Variants in SAP30BP observed in about 807,000 individuals in gnomAD.
The protein encoded by SAP30BP is SAP30-binding protein.
Under a neutral mutation model 46.3 loss-of-function variants are expected in SAP30BP, and 31 were observed. That is an observed-to-expected ratio of 0.67 (90% CI 0.50 to 0.90). The LOEUF (loss-of-function observed/expected upper bound fraction) is 0.90, where lower values mean the gene tolerates loss of function less well. Among genes scored for constraint, SAP30BP ranks in the 40% least tolerant of loss-of-function variants. SAP30BP has a pLI of 0.00. For synonymous variants in SAP30BP, 169 were observed against 144.2 expected (o/e 1.17, Z -1.23); for missense variants, 312 against 391.0 (o/e 0.80, Z 1.70).
chr17:75,670,361 G>A (rs989322304), intron 2 of SAP30BP, among the ~76,000 whole-genome samples: 4 of 152,032 alleles, frequency 2.6e-5, no homozygotes, highest in African/African-American at 2.4e-5. Flanking sequence ...ACAGAAATGC[G>A]TTTTGTACAT....
Position 75,679,232 on chromosome 17 carries a change from G to A in SAP30BP, c.264+7369G>A, listed in dbSNP as rs1000013488. ...AGGATGGTCTCGATCTCCTGACCTC[G>A]TGATCTGCCTGCCTCGGCCTCCCAA... On this transcript the variant is annotated intron_variant, in intron 3 of 10. Coordinates refer to ENST00000584667, the MANE Select transcript of SAP30BP (RefSeq NM_013260.8). Among the ~76,000 whole-genome samples the A allele has an allele frequency of 7.9e-5, 12 of 152,008 alleles. No homozygotes were observed. In the East Asian group the frequency reaches 9.7e-4, roughly 12 times the overall value.
At chr17:75,680,621 T>C (rs1370758354) in intron 3 of SAP30BP, among the ~76,000 whole-genome samples, 1 of 152,246 alleles carries the variant, frequency 6.6e-6, no homozygotes, top group Non-Finnish European at 1.5e-5. Flanking sequence ...GTGCTTGGCC[T>C]TTTCAGTGTA....
Position 75,706,668 on chromosome 17 carries a change from G to A in SAP30BP, c.*147G>A, listed in dbSNP as rs993466699. 6.9e-5 allele frequency: 51 copies of A among 734,662 alleles called. No individual in the cohort carries two copies. The highest frequency in any genetic ancestry group is 1.1e-4 in the Non-Finnish European group (48 of 449,220). The allele number at this position is 734,662 out of a possible 1,614,324, so 45.5% of individuals were successfully genotyped here. ...CTTCTGTTTGGCATTCCAGATGGAAGGACAGGCAGCACGGGAGCCAGGCGC... is the reference window on the plus strand; with the variant it reads ...CTTCTGTTTGGCATTCCAGATGGAAAGACAGGCAGCACGGGAGCCAGGCGC... On this transcript the variant is annotated 3_prime_UTR_variant, in exon 11 of 11. Transcript: ENST00000584667. This position sits in a 1 kb window ranked among gnomAD's most constrained non-coding sequence, Gnocchi z 4.6.
chr17:75,702,675 A>G, intron 6 of SAP30BP, 104 bp downstream of exon 6: 2 of 561,558 alleles, frequency 3.6e-6, no homozygotes, highest in Non-Finnish European at 6.6e-6. Context: ...AGCCCAAACC[A>G]TCACCCAGAC....
At chr17:75,688,476 C>G (rs1438959194) in intron 3 of SAP30BP, among the ~76,000 whole-genome samples, 1 of 151,994 alleles carries the variant, frequency 6.6e-6, no homozygotes, top group African/African-American at 2.4e-5. Context: ...TGCCCCTGTT[C>G]AGAGTGCTTT....
chr17:75,694,084 C>T (rs1210385753), intron 4 of SAP30BP, among the ~76,000 whole-genome samples: 1 of 152,158 alleles, frequency 6.6e-6, no homozygotes, highest in Non-Finnish European at 1.5e-5. Flanking sequence ...GGGGCAGTTC[C>T]CGGCATCTGA....
intron 3 of SAP30BP, among the ~76,000 whole-genome samples, chr17:75,674,404 C>G (rs192397871): frequency 5.9e-5 from 9 of 152,148 alleles, no homozygotes; most frequent in Non-Finnish European, 8.8e-5. Context: ...AAGCGATTCT[C>G]CTGTCTCAGT....
At chr17:75,679,028 C>T (rs4789224) in intron 3 of SAP30BP, among the ~76,000 whole-genome samples, 7,051 of 130,272 alleles carry the variant, frequency 0.054, 703 homozygotes, top group East Asian at 0.4. Flanking sequence ...GAGTCTCGTT[C>T]TGTCGCCCAG....
In SAP30BP at chr17:75,671,851, T is replaced by C. The variant is rs1439597032; in HGVS notation, c.252T>C (p.Ala84=). The C allele has an allele frequency of 6.2e-7, 1 of 1,613,690 alleles. No individual in the cohort carries two copies. Among genetic ancestry groups the C allele is most frequent in the Non-Finnish European group, 8.5e-7 (1 of 1,179,588 alleles). ...ATTCAGAGACTGAAAAACCTGAGGC[T>C]GATGACCCAAAGGTATTTGGTGTTG... ...DDDSETEKPE[A]DDPKDNTEAE... The change falls in exon 3 of 11, where the codon GCT becomes GCC. Residue 84 remains alanine (A), a synonymous_variant. Coordinates refer to ENST00000584667, the MANE Select transcript of SAP30BP (RefSeq NM_013260.8).
At chr17:75,685,703 C>G (rs1253464103) in intron 3 of SAP30BP, among the ~76,000 whole-genome samples, 1 of 152,168 alleles carries the variant, frequency 6.6e-6, no homozygotes, top group Non-Finnish European at 1.5e-5. Context: ...CCAGGCTCCC[C>G]CCAACCCCCC....
intron 3 of SAP30BP, chr17:75,684,897 AC>A (rs2060134384): frequency 6.6e-6 from 1 of 152,212 alleles, no homozygotes; most frequent in Non-Finnish European, 1.5e-5. Flanking sequence ...AGGCCTCACT[AC>A]ATCATAAGCT....
At chr17:75,691,116 C>T (rs1407955248) in intron 3 of SAP30BP, among the ~76,000 whole-genome samples, 2 of 152,022 alleles carry the variant, frequency 1.3e-5, no homozygotes, top group African/African-American at 4.8e-5. Flanking sequence ...CTGGGTGGGC[C>T]TTGTTTGTGG....
chr17:75,677,302 A>C (rs1022883762), intron 3 of SAP30BP, among the ~76,000 whole-genome samples: 1 of 151,480 alleles, frequency 6.6e-6, no homozygotes, highest in African/African-American at 2.4e-5. Flanking sequence ...ACAGGGTTTC[A>C]CCATATTGGC....
intron 4 of SAP30BP, among the ~76,000 whole-genome samples, chr17:75,698,945 C>T (rs1039157839): frequency 1.3e-5 from 2 of 152,208 alleles, no homozygotes; most frequent in African/African-American, 4.8e-5. Context: ...ATAATCCCAG[C>T]ACTTTAGGAG....
At chr17:75,677,432 C>CTT (rs35570298) in intron 3 of SAP30BP, among the ~76,000 whole-genome samples, 1,371 of 118,236 alleles carry the variant, frequency 0.012, 27 homozygotes, top group African/African-American at 0.026. Flanking sequence ...GTGAAACTGG[C>CTT]TTTTTTTTTT....
chr17:75,667,928 G>A (rs897804054), intron 1 of SAP30BP: 2 of 165,878 alleles, frequency 1.2e-5, no homozygotes, highest in African/African-American at 4.8e-5. Flanking sequence ...CCCAAAGTGA[G>A]AGAACCTAAT....
chr17:75,703,539 A>G (rs1272035431), intron 7 of SAP30BP, 168 bp downstream of exon 7: 7 of 663,048 alleles, frequency 1.1e-5, no homozygotes, highest in African/African-American at 1.8e-5. Context: ...AAATAGTCCA[A>G]TAAAGAGATT....
chr17:75,668,874 C>T (rs532529858), intron 2 of SAP30BP, among the ~76,000 whole-genome samples: 2 of 152,242 alleles, frequency 1.3e-5, no homozygotes, highest in East Asian at 3.9e-4. Context: ...TTATTTAACC[C>T]AGATATCAAT....
At chr17:75,673,346 T>C (rs2059934411) in intron 3 of SAP30BP, among the ~76,000 whole-genome samples, 1 of 152,210 alleles carries the variant, frequency 6.6e-6, no homozygotes, top group Non-Finnish European at 1.5e-5. Context: ...GGCAGACCCA[T>C]GGCCCCATAG....
Sources: allele counts gnomAD v4.1 joint callset (sites outside exome capture counted in the v4.1 genomes callset), GRCh38; gene constraint gnomAD v4.1.1; non-coding constraint Gnocchi (gnomAD v3.1); transcripts MANE v1.5; gene names NCBI Gene and HGNC (gene_info 2026-07-23, HGNC 2026-07-21).